ASTN2: variants seen among roughly 807,000 people sequenced by gnomAD.
ASTN2 encodes astrotactin-2.
Under a neutral mutation model 139.8 loss-of-function variants are expected in ASTN2, and 54 were observed. The ratio of observed to expected loss-of-function variants is 0.39; its 90% CI spans 0.31 to 0.48. The LOEUF is 0.48. ASTN2 is among the 20% of genes least tolerant of loss of function. The pLI is 0.95. For synonymous variants in ASTN2, 756 were observed against 719.5 expected (o/e 1.05, Z -0.81); for missense variants, 1,565 against 1,725.1 (o/e 0.91, Z 1.64).
At chr9:117,337,956 T>C (rs1018521612) in intron 1 of ASTN2, among the ~76,000 whole-genome samples, 6 of 152,198 alleles carry the variant, frequency 3.9e-5, no homozygotes, top group African/African-American at 1.4e-4. Context: ...TGTTTTGCCA[T>C]GTACAAAGTG....
At chr9:117,125,829 C>G (rs200200502) in intron 4 of ASTN2, among the ~76,000 whole-genome samples, 2,632 of 143,074 alleles carry the variant, frequency 0.018, 68 homozygotes, top group East Asian at 0.058. Flanking sequence ...TTCATTGCGG[C>G]GGGGGGGGGA....
chr9:117,208,662 C>T (rs1447464591), intron 3 of ASTN2, among the ~76,000 whole-genome samples: 1 of 152,100 alleles, frequency 6.6e-6, no homozygotes, highest in East Asian at 1.9e-4. Context: ...TAAACCCAAA[C>T]AGATCTTCTT....
chr9:116,470,447 CT>C (rs1848778359), intron 20 of ASTN2, among the ~76,000 whole-genome samples: 1 of 152,126 alleles, frequency 6.6e-6, no homozygotes, highest in Non-Finnish European at 1.5e-5. Flanking sequence ...GGCTCTGCTA[CT>C]GACTTGTGGC....
Position 116,892,499 on chromosome 9 carries a change from T to C in ASTN2, c.1890-28766A>G, listed in dbSNP as rs1275910890. Among the ~76,000 whole-genome samples the C allele has an allele frequency of 2.6e-5, 4 of 152,072 alleles. No homozygotes were observed. In the East Asian group the frequency reaches 7.7e-4, roughly 29 times the overall value. ...GGTGGGGTGGCTGGGAGCTGGTTGC[T>C]GGAAGCTCTGAGAATGAAGAGGTGA... On this transcript the variant is annotated intron_variant, in intron 10 of 22. Transcript: ENST00000313400.
At chr9:116,752,356 G>T (rs1238823246) in intron 13 of ASTN2, among the ~76,000 whole-genome samples, 1 of 152,160 alleles carries the variant, frequency 6.6e-6, no homozygotes, top group Non-Finnish European at 1.5e-5. Context: ...TCTAGATATA[G>T]ATTCTACACT....
intron 19 of ASTN2, among the ~76,000 whole-genome samples, chr9:116,504,864 C>T (rs1197143576): frequency 7.4e-6 from 1 of 135,730 alleles, no homozygotes; most frequent in African/African-American, 2.8e-5. Context: ...CCACTGCCCT[C>T]TAGCCTGGAT....
intron 10 of ASTN2, among the ~76,000 whole-genome samples, 173 bp downstream of exon 10, chr9:116,975,035 G>A (rs1482564833): frequency 6.6e-6 from 1 of 152,160 alleles, no homozygotes; most frequent in Non-Finnish European, 1.5e-5. Context: ...AAGGCATTGA[G>A]ACACAGTGAT....
chr9:116,750,203 AAAT>A (rs1421965469), intron 13 of ASTN2, among the ~76,000 whole-genome samples: 1 of 152,220 alleles, frequency 6.6e-6, no homozygotes, highest in East Asian at 1.9e-4. Flanking sequence ...AAAAGATAGA[AAAT>A]AATCAAAGCC....
At chr9:117,133,942 G>A (rs1443051069) in intron 4 of ASTN2, among the ~76,000 whole-genome samples, 1 of 152,040 alleles carries the variant, frequency 6.6e-6, no homozygotes, top group Non-Finnish European at 1.5e-5. Context: ...TGTCTATCCA[G>A]TCCTCCTTGT....
intron 17 of ASTN2, among the ~76,000 whole-genome samples, chr9:116,648,426 C>G (rs991383591): frequency 5.3e-5 from 8 of 152,102 alleles, no homozygotes; most frequent in Non-Finnish European, 1.0e-4. Context: ...ACCACTGGCC[C>G]TGGGCCTGTT....
intron 19 of ASTN2, among the ~76,000 whole-genome samples, chr9:116,603,774 G>A (rs1252436533): frequency 6.6e-6 from 1 of 152,194 alleles, no homozygotes; most frequent in Non-Finnish European, 1.5e-5. Context: ...TGAGTGAAGA[G>A]AGAAATACAG....
intron 2 of ASTN2, among the ~76,000 whole-genome samples, chr9:117,259,091 C>T (rs1054272213): frequency 8.5e-5 from 13 of 152,278 alleles, no homozygotes; most frequent in Middle Eastern, 3.4e-3. Flanking sequence ...CCCTTCCACC[C>T]TCCCAGTACC....
intron 10 of ASTN2, among the ~76,000 whole-genome samples, chr9:116,956,993 A>G (rs1446269407): frequency 2.0e-5 from 3 of 152,156 alleles, no homozygotes; most frequent in Non-Finnish European, 4.4e-5. Context: ...TTAACATGGT[A>G]ACAATCCCCA....
chr9:117,206,335 G>T (rs150510338), intron 3 of ASTN2, among the ~76,000 whole-genome samples: 29 of 152,152 alleles, frequency 1.9e-4, no homozygotes, highest in African/African-American at 6.7e-4. Context: ...ATCTCTATCC[G>T]ACCCCATTGC....
intron 19 of ASTN2, among the ~76,000 whole-genome samples, chr9:116,574,134 T>C (rs897618017): frequency 6.6e-6 from 1 of 152,172 alleles, no homozygotes; most frequent in Non-Finnish European, 1.5e-5. Flanking sequence ...TAGCTGGTAG[T>C]AAATATTTTC....
intron 2 of ASTN2, among the ~76,000 whole-genome samples, chr9:117,216,806 G>A (rs1393068712): frequency 6.6e-6 from 1 of 152,098 alleles, no homozygotes; most frequent in Non-Finnish European, 1.5e-5. Context: ...AGAGTGAAGA[G>A]AGGAAAGGGC....
chr9:117,052,079 C>T (rs961292625), intron 5 of ASTN2, among the ~76,000 whole-genome samples: 3 of 152,064 alleles, frequency 2.0e-5, no homozygotes, highest in African/African-American at 7.2e-5. Flanking sequence ...CTTTGGTTGA[C>T]CTTCAGTAAG....
rs553457999 is a variant in ASTN2 at position 116,752,592 on chromosome 9, C to T, written c.2397-19069G>A. 2.0e-4 allele frequency among the ~76,000 whole-genome samples: 31 copies of T among 152,194 alleles called. No individual in the cohort carries two copies. In the South Asian group the frequency reaches 4.8e-3, roughly 23 times the overall value. Reference sequence around the variant, plus strand: ...ATACTGTTAAGAGAATGAAAAGACACGCTATAGACTGGGAATATTTACAAA... The same window carrying T: ...ATACTGTTAAGAGAATGAAAAGACATGCTATAGACTGGGAATATTTACAAA... On this transcript the variant is annotated intron_variant, in intron 13 of 22. Coordinates refer to ENST00000313400, the MANE Select transcript of ASTN2 (RefSeq NM_001365068.1).
chr9:117,180,408 C>A (rs1831029163), intron 3 of ASTN2, among the ~76,000 whole-genome samples: 1 of 152,142 alleles, frequency 6.6e-6, no homozygotes, highest in African/African-American at 2.4e-5. Flanking sequence ...CATCCCCTTT[C>A]CCTTGCCCCT....
Sources: allele counts gnomAD v4.1 joint callset (sites outside exome capture counted in the v4.1 genomes callset), GRCh38; gene constraint gnomAD v4.1.1; transcripts MANE v1.5; gene names NCBI Gene and HGNC (gene_info 2026-07-23, HGNC 2026-07-21).